Variants in RANBP2 observed in about 807,000 individuals in gnomAD.
RANBP2 encodes the protein E3 SUMO-protein ligase RanBP2.
In RANBP2, 57 loss-of-function variants were observed where a neutral mutation model predicts 303.6. The ratio of observed to expected loss-of-function variants is 0.19; its 90% confidence interval spans 0.15 to 0.23. The LOEUF (loss-of-function observed/expected upper bound fraction) is 0.23. Ranked by LOEUF, RANBP2 falls within the 10% of genes least tolerant of loss-of-function variation. The pLI, the probability that RANBP2 is intolerant of heterozygous loss-of-function variation, is 1.00. For synonymous variants in RANBP2, 1,167 were observed against 1,301.5 expected, an observed-to-expected ratio of 0.90 and a Z score of 2.23; for missense variants, 3,138 against 3,780.8, an observed-to-expected ratio of 0.83 and a Z score of 4.46.
chr2:109,536,188 A>G, the RANBP2 span, among the ~76,000 whole-genome samples: 2 of 152,188 alleles, frequency 1.3e-5, no homozygotes, highest in Non-Finnish European at 2.9e-5. Flanking sequence ...TCCAGACCCC[A>G]GAATGGTAGA....
the RANBP2 span, chr2:109,347,549 G>C: frequency 6.2e-6 from 8 of 1,295,348 alleles, no homozygotes; most frequent in East Asian, 2.0e-4. Flanking sequence ...CCACTTGCGG[G>C]GCACTCTGTA....
the RANBP2 span, among the ~76,000 whole-genome samples, chr2:108,893,603 C>A: frequency 6.0e-5 from 9 of 149,498 alleles, no homozygotes; most frequent in Non-Finnish European, 1.2e-4. Context: ...AAAAACAAAA[C>A]AAAACTGACA....
At chr2:108,950,938 C>T in the RANBP2 span, among the ~76,000 whole-genome samples, 1 of 152,244 alleles carries the variant, frequency 6.6e-6, no homozygotes, top group African/African-American at 2.4e-5. Context: ...CAGGCTTCTT[C>T]ACCCAAGGGC....
At chr2:109,079,268 A>T in the RANBP2 span, among the ~76,000 whole-genome samples, 6 of 152,166 alleles carry the variant, frequency 3.9e-5, no homozygotes, top group African/African-American at 1.4e-4. Context: ...TGATTTTCTT[A>T]ATATTTTCTT....
chr2:108,760,229 A>G (rs1405641905), intron 18 of RANBP2, among the ~76,000 whole-genome samples: 1 of 152,222 alleles, frequency 6.6e-6, no homozygotes, highest in Non-Finnish European at 1.5e-5. Context: ...CACCTTATTA[A>G]CATTTCCTAT....
chr2:108,832,266 A>T, the RANBP2 span, among the ~76,000 whole-genome samples: 1 of 149,490 alleles, frequency 6.7e-6, no homozygotes, highest in Non-Finnish European at 1.5e-5. Flanking sequence ...ACCTCAAGTG[A>T]TCTGCCTGCC....
chr2:109,710,368 C>T, the RANBP2 span, among the ~76,000 whole-genome samples: 94 of 118,046 alleles, frequency 8.0e-4, no homozygotes, highest in African/African-American at 2.9e-3. Flanking sequence ...GGCAACAGAG[C>T]GAGATTCTAT....
At chr2:109,244,285 C>CAGCTT in the RANBP2 span, among the ~76,000 whole-genome samples, 2 of 152,168 alleles carry the variant, frequency 1.3e-5, no homozygotes, top group African/African-American at 4.8e-5. Flanking sequence ...CATTATGCAA[C>CAGCTT]AGCTTCTTCA....
the RANBP2 span, among the ~76,000 whole-genome samples, chr2:109,299,173 G>A: frequency 1.3e-5 from 2 of 152,206 alleles, no homozygotes; most frequent in Non-Finnish European, 2.9e-5. Context: ...TGCTCACGGG[G>A]CCTCCTCTGA....
At chr2:109,282,389 C>T in the RANBP2 span, among the ~76,000 whole-genome samples, 1 of 152,082 alleles carries the variant, frequency 6.6e-6, no homozygotes, top group African/African-American at 2.4e-5. Context: ...GCTGAGATAC[C>T]AAAACATGGG....
At chr2:109,609,701 T>C in the RANBP2 span, among the ~76,000 whole-genome samples, 1 of 149,856 alleles carries the variant, frequency 6.7e-6, no homozygotes, top group African/African-American at 2.5e-5. Context: ...GCCTCTTAGA[T>C]ACGAAAATTA....
the RANBP2 span, among the ~76,000 whole-genome samples, chr2:109,004,389 G>A: frequency 2.0e-4 from 31 of 152,340 alleles, no homozygotes; most frequent in African/African-American, 6.7e-4. Context: ...ACACTCAAAA[G>A]TGTCTTAGAA....
the RANBP2 span, among the ~76,000 whole-genome samples, chr2:109,740,709 T>C: frequency 8.0e-5 from 12 of 150,140 alleles, no homozygotes; most frequent in Admixed American, 6.7e-4. Context: ...AAGACACAAA[T>C]TACTAATATT....
the RANBP2 span, among the ~76,000 whole-genome samples, chr2:109,161,328 G>T: frequency 4.6e-5 from 7 of 152,140 alleles, no homozygotes; most frequent in East Asian, 1.4e-3. Flanking sequence ...GCTAAGTGTG[G>T]TATGCACGGG....
At chr2:109,436,837 A>G in the RANBP2 span, 7 of 1,576,060 alleles carry the variant, frequency 4.4e-6, no homozygotes, top group Middle Eastern at 3.4e-4. Flanking sequence ...AGAGGCCCAC[A>G]TGGCACGAAT....
At chr2:109,190,904 G>A in the RANBP2 span, among the ~76,000 whole-genome samples, 1 of 151,650 alleles carries the variant, frequency 6.6e-6, no homozygotes, top group East Asian at 1.9e-4. Context: ...AATATGAAGA[G>A]TATTGTGATA....
At chr2:108,809,505 A>G in the RANBP2 span, among the ~76,000 whole-genome samples, 44 of 150,194 alleles carry the variant, frequency 2.9e-4, no homozygotes, top group Non-Finnish European at 5.8e-4. Flanking sequence ...AGTTTCATTC[A>G]TCAGTGTTTT....
chr2:109,033,438 A>G, the RANBP2 span, among the ~76,000 whole-genome samples: 1 of 152,148 alleles, frequency 6.6e-6, no homozygotes, highest in Non-Finnish European at 1.5e-5. Flanking sequence ...GATGACAAGT[A>G]TTGCCAAGGA....
At chr2:109,249,509 CATTCTTTCTT>C in the RANBP2 span, among the ~76,000 whole-genome samples, 7,856 of 64,080 alleles carry the variant, frequency 0.12, 397 homozygotes, top group Admixed American at 0.15. Context: ...TTCTTTCTTT[CATTCTTTCTT>C]TTTCTTTCTT....
Sources: allele counts gnomAD v4.1 joint callset (sites outside exome capture counted in the v4.1 genomes callset), GRCh38; gene constraint gnomAD v4.1.1; transcripts MANE v1.5; gene names NCBI Gene and HGNC (gene_info 2026-07-23, HGNC 2026-07-21).